ARHGAP20: variants seen among roughly 807,000 people sequenced by gnomAD.
ARHGAP20 encodes the protein Rho GTPase activating protein 20.
In ARHGAP20, 34 loss-of-function variants were observed where a neutral mutation model predicts 73.7. The observed-to-expected ratio is 0.46, with a 90% confidence interval of 0.35 to 0.61. The LOEUF is 0.61. Ranked by LOEUF, ARHGAP20 falls within the 20% of genes least tolerant of loss-of-function variation. The pLI is 0.00. For synonymous variants in ARHGAP20, 523 were observed against 518.2 expected (o/e 1.01, Z -0.13); for missense variants, 1,314 against 1,420.9 (o/e 0.92, Z 1.21).
intron 2 of ARHGAP20, among the ~76,000 whole-genome samples, chr11:110,687,939 G>A (rs1226614351): frequency 6.6e-6 from 1 of 152,060 alleles, no homozygotes; most frequent in Non-Finnish European, 1.5e-5. Flanking sequence ...TTTAGAAATG[G>A]TTCCAAACAA....
At chr11:110,610,020 T>G (rs995830812) in intron 7 of ARHGAP20, among the ~76,000 whole-genome samples, 3 of 150,488 alleles carry the variant, frequency 2.0e-5, no homozygotes, top group Non-Finnish European at 3.0e-5. Flanking sequence ...AAATTAACAG[T>G]TTTTTTTGGT....
Position 110,624,293 on chromosome 11 carries a change from C to T in ARHGAP20, c.372G>A (p.Lys124=), listed in dbSNP as rs756614006. 7.6e-6 allele frequency: 12 copies of T among 1,577,568 alleles called. No homozygotes were observed. Among genetic ancestry groups the T allele is most frequent in the Admixed American group, 1.8e-5 (1 of 54,972 alleles). ...VAKIKYNNNF[K]IKNKIKLTDM... ...CAGTTAATTTAATTTTATTTTTTAT[C>T]TTAAAGTTATTGTTATATCTAGAAA... The change falls in exon 4 of 15, where the codon AAG becomes AAA. Residue 124 remains lysine, a synonymous_variant. Coordinates refer to ENST00000683387, the MANE Select transcript of ARHGAP20 (RefSeq NM_001384657.1).
At chr11:110,657,952 AAGGAAGG>A (rs1389653185) in intron 2 of ARHGAP20, among the ~76,000 whole-genome samples, 15 of 150,354 alleles carry the variant, frequency 1.0e-4, no homozygotes, top group Admixed American at 2.0e-4. Context: ...GGAAGGAAGG[AAGGAAGG>A]AAGGAAGGAA....
chr11:110,712,255 C>T lies in ARHGAP20; in HGVS notation c.-24G>A. 3 of 1,321,520 alleles carry T rather than the reference C, an allele frequency of 2.3e-6. No homozygotes were observed. The highest frequency in any genetic ancestry group is 2.9e-6 in the Non-Finnish European group (3 of 1,026,766). 81.9% of individuals were successfully genotyped at this position (1,321,520 alleles called of 1,614,324 possible). A position where few individuals can be genotyped will look rare whatever the true frequency, so the allele number is the denominator to read the frequency against. ...ATGAAGAAAATCTTCAAACAAATCC[C>T]AGCCCAGGAGGAGGCTACACGATCA... On this transcript the variant is annotated 5_prime_UTR_variant, in exon 1 of 15. Transcript: ENST00000683387.
At chr11:110,701,110 T>C (rs1490029191) in intron 1 of ARHGAP20, among the ~76,000 whole-genome samples, 2 of 151,886 alleles carry the variant, frequency 1.3e-5, no homozygotes, top group South Asian at 2.1e-4. Flanking sequence ...TACCCAGTAA[T>C]GGGATGGCTG....
intron 3 of ARHGAP20, among the ~76,000 whole-genome samples, chr11:110,625,451 T>C (rs1948723779): frequency 1.3e-5 from 2 of 152,232 alleles, no homozygotes; most frequent in South Asian, 2.1e-4. Context: ...TACAAGATTT[T>C]CTAGCCTTTA....
At chr11:110,639,248 C>A (rs529518663) in intron 2 of ARHGAP20, among the ~76,000 whole-genome samples, 78 of 142,174 alleles carry the variant, frequency 5.5e-4, no homozygotes, top group Middle Eastern at 3.4e-3. Context: ...ACCCCCCCCC[C>A]ACAAGAGTTT....
chr11:110,610,643 T>C (rs1478503923), intron 7 of ARHGAP20, among the ~76,000 whole-genome samples: 3 of 152,126 alleles, frequency 2.0e-5, no homozygotes, highest in South Asian at 2.1e-4. Context: ...TCAAATGTTC[T>C]AATCTTCTCC....
At chr11:110,596,468 A>C (rs1421875524) in intron 9 of ARHGAP20, among the ~76,000 whole-genome samples, 2 of 152,044 alleles carry the variant, frequency 1.3e-5, no homozygotes, top group Non-Finnish European at 1.5e-5. Context: ...ACCCCATCAA[A>C]AAGTGGGCAA....
intron 2 of ARHGAP20, among the ~76,000 whole-genome samples, chr11:110,646,747 A>G (rs1701049937): frequency 6.6e-6 from 1 of 152,132 alleles, no homozygotes. Context: ...CATATTAATG[A>G]TTGCCTACAG....
chr11:110,682,286 G>GT (rs1353700908), intron 2 of ARHGAP20, among the ~76,000 whole-genome samples: 5 of 152,092 alleles, frequency 3.3e-5, no homozygotes, highest in African/African-American at 7.2e-5. Context: ...ACATACATAT[G>GT]TAGCACTGAT....
intron 2 of ARHGAP20, among the ~76,000 whole-genome samples, chr11:110,632,559 C>T (rs1032059217): frequency 1.6e-4 from 25 of 152,096 alleles, no homozygotes; most frequent in African/African-American, 6.0e-4. Context: ...CATGCACCAC[C>T]ACGCCCAACT....
Position 110,690,548 on chromosome 11 carries a change from T to C in ARHGAP20, c.187A>G (p.Arg63Gly), listed in dbSNP as rs180920417. Residue 63 changes from arginine (R) to glycine (G), a missense_variant and splice_region_variant, in exon 2 of 15, where the codon AGG (arginine) becomes GGG (glycine). By Grantham distance (125) the Arg-to-Gly change is moderately radical. Coordinates refer to ENST00000683387, the MANE Select transcript of ARHGAP20 (RefSeq NM_001384657.1). ...TGTAATACAAAGCTTTGCACTTACC[T>C]GGTAGTAGGCCGTTTTTGTAGGGCT... The part of the protein sequence containing the change: ...DKALQKRPTT[R>G]DSPSASVDTC... The C allele has an allele frequency of 2.5e-5, 41 of 1,613,616 alleles. No individual in the cohort carries two copies. The Admixed American group carries it at 6.3e-4, about 25-fold the overall frequency.
chr11:110,638,034 C>T (rs1434687525), intron 2 of ARHGAP20, among the ~76,000 whole-genome samples: 2 of 152,016 alleles, frequency 1.3e-5, no homozygotes, highest in Non-Finnish European at 1.5e-5. Context: ...TTTGGAAGCA[C>T]TACAGAATTT....
chr11:110,589,506 T>C (rs899373515), intron 11 of ARHGAP20: 1 of 985,334 alleles, frequency 1.0e-6, no homozygotes, highest in African/African-American at 1.7e-5. Context: ...CAGCCTGAGA[T>C]ACAGGCTGGG....
chr11:110,623,129 GT>G (rs1165525580), intron 4 of ARHGAP20, among the ~76,000 whole-genome samples: 1 of 151,920 alleles, frequency 6.6e-6, no homozygotes, highest in African/African-American at 2.4e-5. Flanking sequence ...TTCCAAATCA[GT>G]TCTTAAAATC....
chr11:110,606,900 G>T (rs1948245709), intron 8 of ARHGAP20, 151 bp from the exon 9 acceptor site: 5 of 650,638 alleles, frequency 7.7e-6, no homozygotes, highest in Non-Finnish European at 1.2e-5. Flanking sequence ...CACTCTTACA[G>T]TTGGAGACCA....
intron 2 of ARHGAP20, among the ~76,000 whole-genome samples, chr11:110,648,200 TATATATGTAA>T (rs1227748654): frequency 9.5e-5 from 8 of 84,410 alleles, no homozygotes; most frequent in African/African-American, 4.9e-4. Flanking sequence ...TAAATATATA[TATATATGTAA>T]ATATATATAT....
intron 1 of ARHGAP20, among the ~76,000 whole-genome samples, chr11:110,702,539 A>G (rs1242314121): frequency 6.6e-6 from 1 of 152,196 alleles, no homozygotes; most frequent in Non-Finnish European, 1.5e-5. Flanking sequence ...TGGCCAGGGC[A>G]ATTAGGCAGG....
Sources: gnomAD v4.1 joint callset for allele counts (sites outside exome capture counted in the v4.1 genomes callset) on GRCh38, gnomAD v4.1.1 for gene constraint, MANE v1.5 for transcripts, NCBI Gene and HGNC (gene_info 2026-07-23, HGNC 2026-07-21) for gene names.